The following NAALADL2 variants were observed in gnomAD, a reference collection of about 807,000 sequenced individuals.
NAALADL2 encodes the protein N-acetylated alpha-linked acidic dipeptidase like 2.
A neutral mutation model predicts 87.2 loss-of-function variants in NAALADL2; 76 were observed. The ratio of observed to expected loss-of-function variants is 0.87; its 90% CI spans 0.72 to 1.05. The LOEUF is 1.05. NAALADL2 is among the 50% of genes least tolerant of loss of function. NAALADL2 has a pLI of 0.00. For synonymous variants in NAALADL2, 354 were observed against 331.0 expected (o/e 1.07, Z -0.75); for missense variants, 1,089 against 945.8 (o/e 1.15, Z -1.99).
chr3:175,592,041 G>C (rs1192457212), intron 10 of NAALADL2, among the ~76,000 whole-genome samples: 2 of 151,916 alleles, frequency 1.3e-5, no homozygotes, highest in African/African-American at 4.8e-5. Context: ...CTTCTCTGGA[G>C]CTCAAAGTGA....
At chr3:174,724,686 T>C (rs1732023903) in intron 2 of NAALADL2, among the ~76,000 whole-genome samples, 1 of 152,184 alleles carries the variant, frequency 6.6e-6, no homozygotes, top group Non-Finnish European at 1.5e-5. Context: ...ATTGATTATA[T>C]TTTATTTGCT....
chr3:175,549,519 T>C (rs992645054), intron 9 of NAALADL2, among the ~76,000 whole-genome samples: 4 of 151,968 alleles, frequency 2.6e-5, no homozygotes, highest in South Asian at 2.1e-4. Flanking sequence ...TAGTGAACTC[T>C]TATCATGGCT....
intron 1 of NAALADL2, among the ~76,000 whole-genome samples, chr3:175,029,291 C>A (rs1282998396): frequency 6.6e-6 from 1 of 151,990 alleles, no homozygotes; most frequent in Non-Finnish European, 1.5e-5. Flanking sequence ...GCTTCCCTTA[C>A]GTTCATTCAG....
At chr3:175,709,745 A>G (rs1052894165) in intron 11 of NAALADL2, among the ~76,000 whole-genome samples, 1 of 152,126 alleles carries the variant, frequency 6.6e-6, no homozygotes, top group Non-Finnish European at 1.5e-5. Flanking sequence ...GCAGCTAAAA[A>G]GTAGAACATA....
intron 3 of NAALADL2, among the ~76,000 whole-genome samples, chr3:174,846,817 C>T (rs189863643): frequency 2.0e-4 from 30 of 151,916 alleles, no homozygotes; most frequent in Admixed American, 6.6e-4. Context: ...GGCCATTGAA[C>T]GTATGTGAGC....
rs147982582 is a variant in NAALADL2 at position 175,588,145 on chromosome 3, A to G, written c.1800+11958A>G. On this transcript the variant is annotated intron_variant, in intron 10 of 13. Coordinates refer to ENST00000454872, the MANE Select transcript of NAALADL2 (RefSeq NM_207015.3). ...CCAAACTTTGAGTATGCCAAAAGAC[A>G]GTAACGCCTGGTAGGAAAAGTATGT... Among the ~76,000 whole-genome samples the G allele has an allele frequency of 2.6e-3, 395 of 152,252 alleles. 3 individuals are homozygous for G. Among genetic ancestry groups the G allele is most frequent in the Middle Eastern group, 0.017 (5 of 292 alleles).
At chr3:174,509,511 C>T (rs184822328) in intron 1 of NAALADL2, among the ~76,000 whole-genome samples, 5 of 148,976 alleles carry the variant, frequency 3.4e-5, no homozygotes, top group East Asian at 2.0e-4. Context: ...AAGCGATTCT[C>T]CTGCCTCAGC....
chr3:175,517,758 G>A (rs1732062956), intron 9 of NAALADL2, among the ~76,000 whole-genome samples: 1 of 151,996 alleles, frequency 6.6e-6, no homozygotes, highest in Non-Finnish European at 1.5e-5. Context: ...GAAAGATAAA[G>A]GAAAACGGCT....
intron 2 of NAALADL2, among the ~76,000 whole-genome samples, chr3:175,106,384 G>T (rs1723168233): frequency 6.6e-6 from 1 of 151,860 alleles, no homozygotes; most frequent in African/African-American, 2.4e-5. Context: ...TGTGATACTG[G>T]CTGCCTATTC....
At chr3:174,802,259 A>G (rs1011122733) in intron 3 of NAALADL2, among the ~76,000 whole-genome samples, 1 of 152,176 alleles carries the variant, frequency 6.6e-6, no homozygotes, top group African/African-American at 2.4e-5. Context: ...TGAAGTTTAC[A>G]CTAAAGCCTG....
chr3:175,195,422 G>A (rs34744421), intron 2 of NAALADL2, among the ~76,000 whole-genome samples: 2 of 151,824 alleles, frequency 1.3e-5, no homozygotes. Context: ...AGATGGATCA[G>A]GTGGTGAGGA....
intron 2 of NAALADL2, among the ~76,000 whole-genome samples, chr3:175,199,933 T>A (rs113186249): frequency 0.027 from 3,466 of 129,056 alleles, 75 homozygotes; most frequent in Middle Eastern, 0.082. Flanking sequence ...CCCAGGAGAC[T>A]GTGGGAAAAA....
At chr3:175,690,737 T>C (rs1046429676) in intron 11 of NAALADL2, among the ~76,000 whole-genome samples, 1 of 152,000 alleles carries the variant, frequency 6.6e-6, no homozygotes, top group African/African-American at 2.4e-5. Context: ...TTTCTGGCAA[T>C]TGAAGGATGA....
At chr3:174,519,820 A>G (rs961143290) in intron 1 of NAALADL2, among the ~76,000 whole-genome samples, 5 of 152,186 alleles carry the variant, frequency 3.3e-5, no homozygotes, top group Non-Finnish European at 5.9e-5. Flanking sequence ...TTAACGAACT[A>G]TGCATCAAAA....
At chr3:175,123,225 TA>T (rs1396159891) in intron 2 of NAALADL2, among the ~76,000 whole-genome samples, 1 of 151,928 alleles carries the variant, frequency 6.6e-6, no homozygotes, top group Non-Finnish European at 1.5e-5. Context: ...GAAAAGTCCT[TA>T]AACCAAGAGA....
intron 1 of NAALADL2, among the ~76,000 whole-genome samples, chr3:174,479,805 G>T (rs1397011019): frequency 6.6e-6 from 1 of 151,904 alleles, no homozygotes; most frequent in African/African-American, 2.4e-5. Flanking sequence ...AGAAGAATCA[G>T]GTGTTTTTTT....
intron 2 of NAALADL2, among the ~76,000 whole-genome samples, chr3:175,210,820 T>C (rs1175800612): frequency 6.6e-6 from 1 of 151,838 alleles, no homozygotes; most frequent in African/African-American, 2.4e-5. Flanking sequence ...AAAAATGTTT[T>C]AAATTTCAAA....
chr3:174,839,320 TCTTAC>T (rs1268774181), intron 3 of NAALADL2, among the ~76,000 whole-genome samples: 4 of 152,176 alleles, frequency 2.6e-5, no homozygotes, highest in African/African-American at 7.2e-5. Context: ...GATTCTGTTC[TCTTAC>T]CTTATACAAA....
rs555669925 is a variant in NAALADL2 at position 175,226,638 on chromosome 3, T to C, written c.546-7293T>C. 3.2e-3 allele frequency among the ~76,000 whole-genome samples: 484 copies of C among 152,236 alleles called. 3 individuals carry two copies. Among genetic ancestry groups the C allele is most frequent in the African/African-American group, 0.011 (462 of 41,568 alleles). ...CAACCATAGTAGTTATATCAAGAGT[T>C]TTTTGTGATGATTAAGCATAATAGT... On this transcript the variant is annotated intron_variant, in intron 2 of 13. Coordinates refer to ENST00000454872, the MANE Select transcript of NAALADL2 (RefSeq NM_207015.3).
Sources: allele counts gnomAD v4.1 joint callset (sites outside exome capture counted in the v4.1 genomes callset), GRCh38; gene constraint gnomAD v4.1.1; transcripts MANE v1.5; gene names NCBI Gene and HGNC (gene_info 2026-07-23, HGNC 2026-07-21).